ICE2: variants seen among roughly 807,000 people sequenced by gnomAD.
The protein encoded by ICE2 is little elongation complex subunit 2.
In ICE2, 87 loss-of-function variants were observed where a neutral mutation model predicts 105.4. That is an observed-to-expected ratio of 0.83 (90% CI 0.69 to 0.99). ICE2 has a LOEUF of 0.99. Among genes scored for constraint, ICE2 ranks in the 50% least tolerant of loss-of-function variants. The pLI is 0.00. For missense variants in ICE2, 1,323 were observed against 1,146.7 expected, an observed-to-expected ratio of 1.15 and a Z score of -2.22; for synonymous variants, 399 against 392.0, an observed-to-expected ratio of 1.02 and a Z score of -0.21.
At chr15:60,465,470 AGTCACCGTGTCCG>A (rs1444137544) in intron 5 of ICE2, among the ~76,000 whole-genome samples, 2 of 152,166 alleles carry the variant, frequency 1.3e-5, no homozygotes, top group Non-Finnish European at 2.9e-5. Flanking sequence ...AATAGGTGTG[AGTCACCGTGTCCG>A]GACTTTTTAA....
intron 12 of ICE2, chr15:60,438,813 A>C (rs920305066): frequency 1.6e-4 from 24 of 152,218 alleles, no homozygotes; most frequent in Non-Finnish European, 4.4e-5. Context: ...TCATCACCTC[A>C]GCCCTTCAGG....
Position 60,447,951 on chromosome 15 carries a change from T to C in ICE2, c.2295+19A>G. The C allele has an allele frequency of 1.9e-6, 3 of 1,595,096 alleles. No individual in the cohort carries two copies. Among genetic ancestry groups the C allele is most frequent in the Non-Finnish European group, 2.6e-6 (3 of 1,169,218 alleles). ...ATTATTTATGTGATCATATTCTAACTCCGCAAATAACAACTTACTCTTCTG... is the reference window on the plus strand; with the variant it reads ...ATTATTTATGTGATCATATTCTAACCCCGCAAATAACAACTTACTCTTCTG... On this transcript the variant is annotated intron_variant, in intron 11 of 15. Coordinates refer to ENST00000261520, the MANE Select transcript of ICE2 (RefSeq NM_024611.6).
chr15:60,449,425 T>A lies in ICE2; in HGVS notation c.1542A>T (p.Leu514Phe). Residue 514 changes from leucine (L) to phenylalanine (F), a missense_variant, in exon 10 of 16, where the codon TTA becomes TTT. Coordinates refer to ENST00000261520, the MANE Select transcript of ICE2 (RefSeq NM_024611.6). Reference protein sequence around the residue: ...QDSDLKTSDALQLENSQEIET... With the variant: ...QDSDLKTSDAFQLENSQEIET... ...CAATTTCCTGAGAATTTTCTAACTG[T>A]AAGGCATCAGATGTTTTCAAGTCAC... The A allele has an allele frequency of 1.2e-6, 2 of 1,613,950 alleles. No homozygotes were observed. The highest frequency in any genetic ancestry group is 1.7e-6 in the Non-Finnish European group (2 of 1,179,914).
intron 9 of ICE2, chr15:60,452,759 C>A (rs2063995819): frequency 3.6e-6 from 2 of 557,100 alleles, no homozygotes; most frequent in Non-Finnish European, 4.6e-6. Context: ...CCTAAACAAT[C>A]CTATGAGTTA....
rs375802045 is a variant in ICE2 at position 60,471,893 on chromosome 15, T to C, written c.147-3571A>G. Among the ~76,000 whole-genome samples the C allele has an allele frequency of 5.9e-5, 9 of 152,248 alleles. No homozygotes were observed. In the South Asian group the frequency reaches 1.2e-3, roughly 21 times the overall value. On this transcript the variant is annotated intron_variant, in intron 3 of 15. Coordinates refer to ENST00000261520, the MANE Select transcript of ICE2 (RefSeq NM_024611.6). ...AAAAGTAGCATTTGGAAATGGTGCTTCTAGTCTCCATTTCAAGTCTACTAG... is the reference window on the plus strand; with the variant it reads ...AAAAGTAGCATTTGGAAATGGTGCTCCTAGTCTCCATTTCAAGTCTACTAG...
chr15:60,466,758 T>C, intron 4 of ICE2, 45 bp from the exon 5 acceptor site: 1 of 1,470,290 alleles, frequency 6.8e-7, no homozygotes, highest in South Asian at 1.2e-5. Context: ...AAAAGTTTCA[T>C]TAAAAAGAAT....
chr15:60,445,185 T>C (rs922242848), intron 11 of ICE2, among the ~76,000 whole-genome samples: 1 of 152,266 alleles, frequency 6.6e-6, no homozygotes, highest in African/African-American at 2.4e-5. Flanking sequence ...AAGACACTTC[T>C]AAGTATTTCA....
Position 60,468,136 on chromosome 15 carries a change from C to G in ICE2, c.333G>C (p.Leu111Phe). The G allele has an allele frequency of 1.9e-6, 3 of 1,613,978 alleles. No homozygotes were observed. The highest frequency in any genetic ancestry group is 2.5e-6 in the Non-Finnish European group (3 of 1,179,956). The part of the protein sequence containing the change: ...SQREQRSYVD[L>F]LVKYAKIPAN... ...CAGGAATCTTTGCGTATTTAACCAACAAGTCCACATAACTCCTCTGCTCTC... is the reference window on the plus strand; with the variant it reads ...CAGGAATCTTTGCGTATTTAACCAAGAAGTCCACATAACTCCTCTGCTCTC... The change falls in exon 4 of 16, where the codon TTG (leucine) becomes TTC (phenylalanine). Residue 111 changes from leucine to phenylalanine, a missense_variant. Transcript: ENST00000261520.
rs115679258 is a variant in ICE2 at position 60,442,343 on chromosome 15, T to G, written c.2425+73A>C. 1.4e-3 allele frequency: 1,940 copies of G among 1,346,500 alleles called. 22 individuals carry two copies. The African/African-American group carries it at 0.026, about 18-fold the overall frequency. The allele number at this position is 1,346,500 out of a possible 1,614,324, so 83.4% of individuals were successfully genotyped here. A position where few individuals can be genotyped will look rare whatever the true frequency, so the allele number is the denominator to read the frequency against. On this transcript the variant is annotated intron_variant, in intron 12 of 15. Transcript: ENST00000261520. Reference sequence around the variant, plus strand: ...AGTAAAAAAGGGCAGAATAGAAGTATTCACAATTGAATTTACAAGTATGTA... The same window carrying G: ...AGTAAAAAAGGGCAGAATAGAAGTAGTCACAATTGAATTTACAAGTATGTA...
intron 9 of ICE2, chr15:60,452,196 C>T (rs2063982781): frequency 3.2e-6 from 3 of 947,096 alleles, no homozygotes. Flanking sequence ...TGCTTTATGA[C>T]ATATGTATCA....
intron 9 of ICE2, chr15:60,452,338 C>T (rs1053622796): frequency 2.4e-6 from 2 of 827,328 alleles, no homozygotes; most frequent in African/African-American, 1.9e-5. Flanking sequence ...ATTTTGTTTG[C>T]TCCCTCATTT....
intron 12 of ICE2, among the ~76,000 whole-genome samples, chr15:60,436,458 A>G (rs749238873): frequency 9.9e-5 from 15 of 151,922 alleles, no homozygotes; most frequent in Admixed American, 3.9e-4. Flanking sequence ...TTTGCTGAAT[A>G]TATGTTTACA....
Position 60,466,702 on chromosome 15 carries a change from T to C in ICE2, c.420A>G (p.Lys140=), listed in dbSNP as rs1441973538. ...NDYLQYLDMK[K]HVNEEVTEFL... is the part of the protein sequence containing the mutation. ...ACTCAGTAACTTCTTCGTTCACATG[T>C]TTTTTCATATCCTGATTTTTAAAAA... is the stretch of plus-strand genomic sequence containing the variant. The change falls in exon 5 of 16, where the codon AAA becomes AAG. Residue 140 remains lysine, a synonymous_variant. Transcript: ENST00000261520. The C allele has an allele frequency of 6.2e-7, 1 of 1,602,054 alleles. No individual in the cohort carries two copies. The highest frequency in any genetic ancestry group is 2.2e-5 in the East Asian group (1 of 44,722).
Position 60,423,510 on chromosome 15 carries a change from C to T in ICE2, c.*124G>A. The T allele has an allele frequency of 2.5e-6, 2 of 811,104 alleles. No homozygotes were observed. The highest frequency in any genetic ancestry group is 3.7e-6 in the Non-Finnish European group (2 of 547,878). 50.2% of individuals were successfully genotyped at this position (811,104 alleles called of 1,614,324 possible). A position where few individuals can be genotyped will look rare whatever the true frequency, so the allele number is the denominator to read the frequency against. ...CCTTCACATAGCCAACACATTTTTTCAAGGCACTCTAGCTACTACAGGAAA... is the reference window on the plus strand; with the variant it reads ...CCTTCACATAGCCAACACATTTTTTTAAGGCACTCTAGCTACTACAGGAAA... On this transcript the variant is annotated 3_prime_UTR_variant, in exon 16 of 16. Coordinates refer to ENST00000261520, the MANE Select transcript of ICE2 (RefSeq NM_024611.6).
In ICE2 at chr15:60,432,002, T is replaced by C. The variant is rs374257769; in HGVS notation, c.2511-18A>G. 2.9e-5 allele frequency: 39 copies of C among 1,363,346 alleles called. No homozygotes were observed. The African/African-American group carries it at 3.8e-4, about 13-fold the overall frequency. 84.5% of individuals were successfully genotyped at this position (1,363,346 alleles called of 1,614,324 possible). A position where few individuals can be genotyped will look rare whatever the true frequency, so the allele number is the denominator to read the frequency against. On this transcript the variant is annotated intron_variant, in intron 13 of 15. Coordinates refer to ENST00000261520, the MANE Select transcript of ICE2 (RefSeq NM_024611.6). The stretch of plus-strand genomic sequence containing the variant: ...TGGAAATCCTGATAAACAAAAGAAA[T>C]TCATGTAAAATTAAACTGCAAAAAA...
chr15:60,458,377 AT>A lies in ICE2; in HGVS notation c.529-1584del, dbSNP rs371151710. The stretch of plus-strand genomic sequence containing the variant: ...AAATGCATTTATACAATACAGATCT[AT>A]CATTATAAAAAATGCCCCCTAAATT... On this transcript the variant is annotated intron_variant, in intron 5 of 15. Transcript: ENST00000261520. Among the ~76,000 whole-genome samples the A allele has an allele frequency of 2.5e-4, 38 of 152,310 alleles. No homozygotes were observed. The East Asian group carries it at 6.7e-3, about 27-fold the overall frequency.
chr15:60,425,629 T>C (rs2063324769), intron 15 of ICE2, among the ~76,000 whole-genome samples: 1 of 152,172 alleles, frequency 6.6e-6, no homozygotes, highest in South Asian at 2.1e-4. Flanking sequence ...CCAAAGGCAC[T>C]ATACAAGGAT....
chr15:60,474,985 T>A (rs1040917464), intron 3 of ICE2, among the ~76,000 whole-genome samples: 1 of 151,572 alleles, frequency 6.6e-6, no homozygotes, highest in Non-Finnish European at 1.5e-5. Context: ...GAAAAAGTAA[T>A]CAAGATGACT....
chr15:60,445,848 G>C, intron 11 of ICE2: 2 of 867,960 alleles, frequency 2.3e-6, no homozygotes, highest in East Asian at 1.2e-4. Context: ...AAAGAAATGA[G>C]GTTAGCCTCA....
Sources: gnomAD v4.1 joint callset for allele counts (sites outside exome capture counted in the v4.1 genomes callset) on GRCh38, gnomAD v4.1.1 for gene constraint, MANE v1.5 for transcripts, NCBI Gene and HGNC (gene_info 2026-07-23, HGNC 2026-07-21) for gene names.